Variants in CLN6 observed in about 807,000 individuals in gnomAD.
CLN6 encodes the protein CLN6 transmembrane ER protein.
CLN6 carries 22 observed loss-of-function variants against 33.3 expected under a neutral mutation model. The ratio of observed to expected loss-of-function variants is 0.66; its 90% CI spans 0.47 to 0.94. The LOEUF is 0.94. CLN6 is among the 40% of genes least tolerant of loss of function. The pLI is 0.00. For synonymous variants in CLN6, 201 were observed against 174.6 expected (o/e 1.15, Z -1.19); for missense variants, 387 against 417.1 (o/e 0.93, Z 0.63).
chr15:68,251,826 C>T (rs1317443662), intron 1 of CLN6, among the ~76,000 whole-genome samples: 1 of 140,814 alleles, frequency 7.1e-6, no homozygotes, highest in African/African-American at 2.5e-5. Context: ...AATGTTCAGA[C>T]AAATTATTAG....
chr15:68,253,919 G>A lies in CLN6; in HGVS notation c.179+2771C>T, dbSNP rs576987931. ...GTCTCGCTCTGTCGCCCAGGCTGGA[G>A]TGCAGTGGCGCAAACTCCGCTTGCA... On this transcript the variant is annotated intron_variant, in intron 1 of 6. Coordinates refer to the CLN6 transcript ENST00000538696. Among the ~76,000 whole-genome samples, 22 of 149,850 alleles carry A rather than the reference G, an allele frequency of 1.5e-4. No individual in the cohort carries two copies. The South Asian group carries it at 4.0e-3, about 27-fold the overall frequency.
At chr15:68,257,154 TGGAGGCAGCG>T (rs1307092184), upstream of CLN6, 4 of 315,816 alleles carry the variant, frequency 1.3e-5, no homozygotes, top group Non-Finnish European at 2.3e-5. Context: ...GCCCAGGGGC[TGGAGGCAGCG>T]GAACGCACGC....
intron 1 of CLN6, chr15:68,254,525 T>G: frequency 2.5e-6 from 1 of 404,150 alleles, no homozygotes; most frequent in South Asian, 2.7e-5. Context: ...GATTACATGT[T>G]GAAATGATAA....
intron 1 of CLN6, among the ~76,000 whole-genome samples, 156 bp downstream of exon 1, chr15:68,229,346 C>CG (rs1313944199): frequency 2.0e-5 from 3 of 152,190 alleles, no homozygotes; most frequent in Admixed American, 6.5e-5. Flanking sequence ...ACCGCCGCCA[C>CG]GGTAGCGCGC....
At chr15:68,244,777 T>C (rs1892313318) in intron 1 of CLN6, among the ~76,000 whole-genome samples, 1 of 151,996 alleles carries the variant, frequency 6.6e-6, no homozygotes. Context: ...AGACAGGCAA[T>C]AGCGGCCAGG....
rs952502575 is a variant in CLN6, at chr15:68,256,556, T to A, written c.179+134A>T. 3 of 521,938 alleles carry A rather than the reference T, an allele frequency of 5.7e-6. No individual in the cohort carries two copies. The highest frequency in any genetic ancestry group is 1.0e-5 in the Non-Finnish European group (3 of 291,874). 32.3% of individuals were successfully genotyped at this position (521,938 alleles called of 1,614,324 possible). A position where few individuals can be genotyped will look rare whatever the true frequency, so the allele number is the denominator to read the frequency against. On this transcript the variant is annotated intron_variant, in intron 1 of 6. Transcript: ENST00000538696. The surrounding 1 kb of genome is among the most constrained non-coding windows in gnomAD (Gnocchi z 4.1). The stretch of plus-strand genomic sequence containing the variant: ...ACTCCTGTATCACAGTATTTGTTAT[T>A]ACAATACTCTCTTTGGGATCCCCAC...
Position 68,211,553 on chromosome 15 carries a change from C to T in CLN6, c.486+122G>A. The T allele has an allele frequency of 6.3e-7, 1 of 1,599,454 alleles. No individual in the cohort carries two copies. The highest frequency in any genetic ancestry group is 8.5e-7 in the Non-Finnish European group (1 of 1,178,862). On this transcript the variant is annotated intron_variant, in intron 4 of 6. Transcript: ENST00000249806. This position sits in a 1 kb window ranked among gnomAD's most constrained non-coding sequence, Gnocchi z 5.9. ...AGCTTGGGGCAGGCGACAGTGCCCT[C>T]ACCTAGCAGAATGCCTTTGGTGAAA...
rs903670018 is a variant in CLN6 at position 68,208,946 on chromosome 15, C to T, written c.666-536G>A. ...TAGAGCTGGCCCAGGAAAGGAGGCC[C>T]TTTTCATTTTGAGGGAGGCCTCCCA... On this transcript the variant is annotated intron_variant, in intron 6 of 6. Transcript: ENST00000249806. The surrounding 1 kb of genome is among the most constrained non-coding windows in gnomAD (Gnocchi z 5.8). 6.6e-6 allele frequency among the ~76,000 whole-genome samples: 1 copy of T among 152,180 alleles called. No individual in the cohort carries two copies. Among genetic ancestry groups the T allele is most frequent in the African/African-American group, 2.4e-5 (1 of 41,446 alleles).
chr15:68,224,618 CAAA>C (rs57397347), intron 1 of CLN6, among the ~76,000 whole-genome samples: 11 of 104,308 alleles, frequency 1.1e-4, no homozygotes, highest in Admixed American at 1.0e-4. Context: ...GACTCTGTCT[CAAA>C]AAAAAAAAAA....
chr15:68,245,426 G>A (rs141118570), intron 1 of CLN6, among the ~76,000 whole-genome samples: 14 of 152,126 alleles, frequency 9.2e-5, no homozygotes, highest in Non-Finnish European at 1.5e-4. Context: ...TTAGTTGGGT[G>A]TGGTAGCACA....
chr15:68,209,739 A>G lies in CLN6; in HGVS notation c.563T>C (p.Ile188Thr), dbSNP rs763059017. 6.2e-7 allele frequency: 1 copy of G among 1,613,654 alleles called. No homozygotes were observed. Among genetic ancestry groups the G allele is most frequent in the Non-Finnish European group, 8.5e-7 (1 of 1,179,910 alleles). ...GCAGCCGCTGAAGTACATGAAGAGGATGAGGAAGAAGGGGATGTACCTGTG... is the reference window on the plus strand; with the variant it reads ...GCAGCCGCTGAAGTACATGAAGAGGGTGAGGAAGAAGGGGATGTACCTGTG... Reference protein sequence around the residue: ...HCMWYIPFFLILFMYFSGCFT... With the variant: ...HCMWYIPFFLTLFMYFSGCFT... Residue 188 changes from isoleucine to threonine, a missense_variant, in exon 6 of 7, where the codon ATC (isoleucine) becomes ACC (threonine). Coordinates refer to ENST00000249806, the MANE Select transcript of CLN6 (RefSeq NM_017882.3). The surrounding 1 kb of genome is among the most constrained non-coding windows in gnomAD (Gnocchi z 4.9).
chr15:68,208,354 A>AAAACAGCAACCCCAGGCTCTGAAAC lies in CLN6; in HGVS notation c.721_722insGTTTCAGAGCCTGGGGTTGCTGTTT (p.Met241SerfsTer51). ...CTTCTGGTGCAGGACGAGGGCCAGC[A>AAAACAGCAACCCCAGGCTCTGAAAC]TGGCGAAGAAGGTGAAGATGAAGAG... On this transcript the variant is annotated frameshift_variant, in exon 7 of 7. Transcript: ENST00000249806. LOFTEE classifies it high-confidence loss of function. This position sits in a 1 kb window ranked among gnomAD's most constrained non-coding sequence, Gnocchi z 5.8. 6.2e-7 allele frequency: 1 copy of AAAACAGCAACCCCAGGCTCTGAAAC among 1,613,960 alleles called. No homozygotes were observed.
At chr15:68,230,070 TGGA>T (rs1298877306), upstream of CLN6, among the ~76,000 whole-genome samples, 1 of 151,582 alleles carries the variant, frequency 6.6e-6, no homozygotes, top group African/African-American at 2.4e-5. The surrounding 1 kb of genome is among the most constrained non-coding windows in gnomAD (Gnocchi z 4.0). Context: ...TTCTTACGGG[TGGA>T]GGAGAGGAGG....
At chr15:68,250,121 C>T (rs1373432324) in intron 1 of CLN6, among the ~76,000 whole-genome samples, 1 of 152,036 alleles carries the variant, frequency 6.6e-6, no homozygotes, top group Non-Finnish European at 1.5e-5. Flanking sequence ...ACGTTCCTAG[C>T]ATAAAGAAAA....
At position 68,241,638 on chromosome 15, in the gene CLN6, C is replaced by T. The variant is rs536868239; in HGVS notation, c.179+15052G>A. ...AAGGAGGGAGGTGGGGATACTATCC[C>T]TAGCCCTAGAAACATGGTTCTGTAA... On this transcript the variant is annotated intron_variant, in intron 1 of 6. Transcript: ENST00000538696. This position sits in a 1 kb window ranked among gnomAD's most constrained non-coding sequence, Gnocchi z 4.2. Among the ~76,000 whole-genome samples the T allele has an allele frequency of 1.3e-5, 2 of 152,296 alleles. No homozygotes were observed. The highest frequency in any genetic ancestry group is 4.1e-4 in the South Asian group (2 of 4,824).
chr15:68,231,442 CG>C (rs1419654193), upstream of CLN6, among the ~76,000 whole-genome samples: 1 of 152,192 alleles, frequency 6.6e-6, no homozygotes, highest in South Asian at 2.1e-4. Flanking sequence ...AGCACTCAGA[CG>C]GGGCCCCAGA....
rs4777028 is a variant in CLN6 at position 68,241,496 on chromosome 15, C to A, written c.179+15194G>T. ...CTGGAAAAAGTGAGATTGAGGTGGA[C>A]GACTAGCTTTTCCACCATTGTGGGT... On this transcript the variant is annotated intron_variant, in intron 1 of 6. Transcript: ENST00000538696. The surrounding 1 kb of genome is among the most constrained non-coding windows in gnomAD (Gnocchi z 4.2). Among the ~76,000 whole-genome samples the A allele has an allele frequency of 6.6e-6, 1 of 152,128 alleles. No homozygotes were observed. Among genetic ancestry groups the A allele is most frequent in the African/African-American group, 2.4e-5 (1 of 41,438 alleles).
Position 68,211,606 on chromosome 15 carries a change from A to G in CLN6, c.486+69T>C, listed in dbSNP as rs756700294. On this transcript the variant is annotated intron_variant, in intron 4 of 6. Transcript: ENST00000249806. This position sits in a 1 kb window ranked among gnomAD's most constrained non-coding sequence, Gnocchi z 5.9. ...ACAGGTGCGGCGAGGGGTGGGGGCC[A>G]TTTCTTCAGCCTCCCAGGACAGACT... 19 of 1,606,260 alleles carry G rather than the reference A, an allele frequency of 1.2e-5. No homozygotes were observed. The East Asian group carries it at 2.7e-4, about 23-fold the overall frequency.
chr15:68,250,351 G>A (rs546228621), intron 1 of CLN6, among the ~76,000 whole-genome samples: 14 of 151,910 alleles, frequency 9.2e-5, no homozygotes, highest in African/African-American at 3.1e-4. Context: ...AGCTGGTCAC[G>A]GTGGCTCATG....
Sources: gnomAD v4.1 joint callset for allele counts (sites outside exome capture counted in the v4.1 genomes callset) on GRCh38, gnomAD v4.1.1 for gene constraint, Gnocchi (gnomAD v3.1) non-coding constraint, MANE v1.5 for transcripts, NCBI Gene and HGNC (gene_info 2026-07-23, HGNC 2026-07-21) for gene names.